Variants in ART1 observed in about 807,000 individuals in gnomAD.
ART1 encodes the protein GPI-linked NAD(P)(+)--arginine ADP-ribosyltransferase 1.
Under a neutral mutation model 27.0 loss-of-function variants are expected in ART1, and 29 were observed. The observed-to-expected ratio is 1.08, with a 90% CI of 0.80 to 1.47. The LOEUF is 1.47. Among genes scored for constraint, ART1 ranks in the 40% most tolerant of loss-of-function variants. The probability of loss-of-function intolerance (pLI) is 0.00; values close to 1 mark genes in which losing one functional copy is unlikely to be tolerated. For missense variants in ART1, 480 were observed against 423.0 expected, an observed-to-expected ratio of 1.13 and a Z score of -1.18; for synonymous variants, 201 against 172.2, an observed-to-expected ratio of 1.17 and a Z score of -1.31.
At chr11:3,653,151 C>T (rs1240365228) in intron 1 of ART1, among the ~76,000 whole-genome samples, 1 of 148,398 alleles carries the variant, frequency 6.7e-6, no homozygotes, top group Non-Finnish European at 1.5e-5. Context: ...CTCCACACCA[C>T]CCCCAAAAAT....
At position 3,659,266 on chromosome 11, in the gene ART1, A is replaced by G; in HGVS notation, c.53A>G (p.Glu18Gly). The change falls in exon 2 of 5, where the codon GAA becomes GGA. Residue 18 changes from glutamate to glycine, a missense_variant. Transcript: ENST00000250693. ...CTTCTTGTGTCTGTGGGCCTCATGG[A>G]AGCACTTCAGGTATGGGCATCCCCC... Reference protein sequence around the residue: ...SLLLVSVGLMEALQAQSHPIT... With the variant: ...SLLLVSVGLMGALQAQSHPIT... The G allele has an allele frequency of 6.2e-7, 1 of 1,614,106 alleles. No homozygotes were observed. Among genetic ancestry groups the G allele is most frequent in the Non-Finnish European group, 8.5e-7 (1 of 1,179,996 alleles).
At chr11:3,652,580 G>C (rs1025702182) in intron 1 of ART1, among the ~76,000 whole-genome samples, 2 of 152,100 alleles carry the variant, frequency 1.3e-5, no homozygotes, top group Admixed American at 6.5e-5. Flanking sequence ...CAGCCCATTT[G>C]AGCTCCTGTA....
chr11:3,660,795 G>A (rs549526043), intron 3 of ART1, among the ~76,000 whole-genome samples: 7 of 152,372 alleles, frequency 4.6e-5, no homozygotes, highest in African/African-American at 1.7e-4. Context: ...AGATGGAAGA[G>A]GAATTATGTG....
chr11:3,656,659 T>C lies in ART1; in HGVS notation c.-52-2503T>C, dbSNP rs575288808. On this transcript the variant is annotated intron_variant, in intron 1 of 4. Coordinates refer to ENST00000250693, the MANE Select transcript of ART1 (RefSeq NM_004314.3). Reference sequence around the variant, plus strand: ...AGCCTCCCGGAGTTGTCCGGATGTATTTTTTTATTTTTAGTAGCAATGGTG... The same window carrying C: ...AGCCTCCCGGAGTTGTCCGGATGTACTTTTTTATTTTTAGTAGCAATGGTG... 4.6e-5 allele frequency among the ~76,000 whole-genome samples: 7 copies of C among 152,072 alleles called. 1 individual carries two copies. The South Asian group carries it at 1.5e-3, about 32-fold the overall frequency.
intron 1 of ART1, among the ~76,000 whole-genome samples, chr11:3,655,339 G>A (rs1243842167): frequency 6.6e-6 from 1 of 152,134 alleles, no homozygotes; most frequent in Non-Finnish European, 1.5e-5. Flanking sequence ...ACAGAGAAGA[G>A]AAAAGCAGCC....
At chr11:3,649,168 C>T (rs979627147) in intron 1 of ART1, among the ~76,000 whole-genome samples, 1 of 152,094 alleles carries the variant, frequency 6.6e-6, no homozygotes, top group Non-Finnish European at 1.5e-5. Context: ...CTACGGGCAA[C>T]CTTCCACCCT....
At chr11:3,648,902 T>G (rs2077492152) in intron 1 of ART1, among the ~76,000 whole-genome samples, 1 of 152,054 alleles carries the variant, frequency 6.6e-6, no homozygotes, top group Non-Finnish European at 1.5e-5. Flanking sequence ...CCCGCTTTTC[T>G]AGGAGGAAAG....
chr11:3,663,627 T>TC (rs1437515457), intron 4 of ART1, among the ~76,000 whole-genome samples: 2 of 152,216 alleles, frequency 1.3e-5, no homozygotes, highest in Non-Finnish European at 2.9e-5. Flanking sequence ...TCTCAGTCTG[T>TC]CACCCAGGTT....
intron 4 of ART1, among the ~76,000 whole-genome samples, chr11:3,662,574 G>A (rs535535217): frequency 6.6e-6 from 1 of 152,384 alleles, no homozygotes; most frequent in African/African-American, 2.4e-5. Context: ...GCCGGGTGTG[G>A]TGGCTCACGC....
At chr11:3,657,610 C>T (rs1406825888) in intron 1 of ART1, among the ~76,000 whole-genome samples, 2 of 152,110 alleles carry the variant, frequency 1.3e-5, no homozygotes, top group Non-Finnish European at 2.9e-5. Flanking sequence ...TTTTTCCTAC[C>T]AGTTAAATGG....
At chr11:3,653,553 T>C (rs1413757909) in intron 1 of ART1, among the ~76,000 whole-genome samples, 3 of 152,098 alleles carry the variant, frequency 2.0e-5, no homozygotes, top group Admixed American at 1.3e-4. Flanking sequence ...CTTTTCGGAC[T>C]CAGTCCACCT....
intron 4 of ART1, among the ~76,000 whole-genome samples, chr11:3,663,112 ATCTCATC>A (rs1564787083): frequency 7.6e-5 from 10 of 131,136 alleles, no homozygotes; most frequent in African/African-American, 3.2e-4. Context: ...ATCTCATCTC[ATCTCATC>A]TCATCTCATC....
intron 2 of ART1, 110 bp downstream of exon 2, chr11:3,659,386 G>A: frequency 6.6e-7 from 1 of 1,507,428 alleles, no homozygotes; most frequent in Non-Finnish European, 9.2e-7. Context: ...CGCTTCCCCT[G>A]GGGATCACTC....
chr11:3,652,744 C>T (rs1465465980), intron 1 of ART1, among the ~76,000 whole-genome samples: 1 of 151,304 alleles, frequency 6.6e-6, no homozygotes, highest in East Asian at 1.9e-4. Flanking sequence ...CTCTTGTTTA[C>T]ACTGCCGGTT....
intron 1 of ART1, among the ~76,000 whole-genome samples, chr11:3,651,919 A>C (rs1351084172): frequency 4.0e-5 from 6 of 150,240 alleles, no homozygotes; most frequent in African/African-American, 1.5e-4. Flanking sequence ...TGATTTATTG[A>C]TGGCAGCTCC....
At position 3,660,364 on chromosome 11, in the gene ART1, G is replaced by A. The variant is rs373715082; in HGVS notation, c.844+1G>A. 6.3e-7 allele frequency: 1 copy of A among 1,596,808 alleles called. No individual in the cohort carries two copies. Among genetic ancestry groups the A allele is most frequent in the Non-Finnish European group, 8.5e-7 (1 of 1,176,370 alleles). ...ACCTACAACTGCGAGTACATCAAAGGTAGGAGGGCAAGCGCTGGTCGGCAC... is the reference window on the plus strand; with the variant it reads ...ACCTACAACTGCGAGTACATCAAAGATAGGAGGGCAAGCGCTGGTCGGCAC... On this transcript the variant is annotated splice_donor_variant, in intron 3 of 4. Coordinates refer to ENST00000250693, the MANE Select transcript of ART1 (RefSeq NM_004314.3). LOFTEE classifies it high-confidence loss of function.
chr11:3,661,445 T>C (rs1443588602), intron 4 of ART1, 32 bp downstream of exon 4: 14 of 1,584,320 alleles, frequency 8.8e-6, no homozygotes, highest in Non-Finnish European at 1.2e-5. Context: ...GGGACTCAGT[T>C]CAGGGATGAG....
chr11:3,660,489 C>G, intron 3 of ART1, 126 bp downstream of exon 3: 1 of 1,136,652 alleles, frequency 8.8e-7, no homozygotes, highest in Non-Finnish European at 1.2e-6. Flanking sequence ...GTCATATCCA[C>G]CAGCTCCCAA....
intron 1 of ART1, among the ~76,000 whole-genome samples, chr11:3,658,268 G>C (rs1307958079): frequency 2.6e-5 from 4 of 151,496 alleles, no homozygotes; most frequent in African/African-American, 9.7e-5. Flanking sequence ...AGGAGGTGGA[G>C]GATGCAGTGC....
Sources: gnomAD v4.1 joint callset for allele counts (sites outside exome capture counted in the v4.1 genomes callset) on GRCh38, gnomAD v4.1.1 for gene constraint, MANE v1.5 for transcripts, NCBI Gene and HGNC (gene_info 2026-07-23, HGNC 2026-07-21) for gene names.